MIB1: variants seen among roughly 807,000 people sequenced by gnomAD.
MIB1 encodes the protein E3 ubiquitin-protein ligase MIB1.
A neutral mutation model predicts 124.5 loss-of-function variants in MIB1; 278 were observed. That is an observed-to-expected ratio of 2.23 (90% CI 2.02 to 2.47). MIB1 has a LOEUF of 2.47. Ranked by LOEUF, MIB1 falls within the 30% of genes most tolerant of loss-of-function variation. MIB1 has a pLI of 0.00. For missense variants in MIB1, 957 were observed against 1,254.4 expected, an observed-to-expected ratio of 0.76 and a Z score of 3.58; for synonymous variants, 446 against 429.4, an observed-to-expected ratio of 1.04 and a Z score of -0.48.
chr18:21,706,075 C>CTGCTT (rs1568171754), intron 1 of MIB1, among the ~76,000 whole-genome samples: 1 of 152,060 alleles, frequency 6.6e-6, no homozygotes, highest in African/African-American at 2.4e-5. Flanking sequence ...TAAGTTTGTT[C>CTGCTT]TGTTTTGTTT....
At chr18:21,780,907 C>G (rs182312596) in intron 6 of MIB1, among the ~76,000 whole-genome samples, 5 of 152,260 alleles carry the variant, frequency 3.3e-5, no homozygotes, top group African/African-American at 1.2e-4. Flanking sequence ...AATGGGATTA[C>G]TGGATCATAT....
At chr18:21,712,186 C>G (rs2040668782) in intron 1 of MIB1, 2 of 153,524 alleles carry the variant, frequency 1.3e-5, no homozygotes, top group African/African-American at 2.4e-5. Flanking sequence ...CACAGTTGTC[C>G]TTTATAGGTT....
chr18:21,853,211 T>C lies in MIB1; in HGVS notation c.2658T>C (p.Ala886=). 2 of 1,607,684 alleles carry C rather than the reference T, an allele frequency of 1.2e-6. No homozygotes were observed. The highest frequency in any genetic ancestry group is 8.5e-7 in the Non-Finnish European group (1 of 1,174,480). Residue 886 remains alanine (A), a synonymous_variant, in exon 18 of 21, where the codon GCT becomes GCC. Coordinates refer to ENST00000261537, the MANE Select transcript of MIB1 (RefSeq NM_020774.4). ...VLFQPCGHMC[A]CENCANLMKK... is the part of the protein sequence containing the mutation. ...TTCAACCCTGTGGCCACATGTGTGC[T>C]TGTGAGAGTAAGTAGCCTATGCAGA...
chr18:21,763,825 A>T (rs1164132138), intron 1 of MIB1, among the ~76,000 whole-genome samples: 1 of 152,178 alleles, frequency 6.6e-6, no homozygotes. Flanking sequence ...CCATTATCTT[A>T]GCTGGACTGC....
chr18:21,786,133 G>C (rs1382760765), intron 6 of MIB1, among the ~76,000 whole-genome samples: 8 of 151,644 alleles, frequency 5.3e-5, no homozygotes, highest in Non-Finnish European at 1.0e-4. Flanking sequence ...GTCTCTCTCT[G>C]TCACCCAGGC....
chr18:21,826,839 T>A (rs2041928574), intron 12 of MIB1: 1 of 152,170 alleles, frequency 6.6e-6, no homozygotes, highest in African/African-American at 2.4e-5. Flanking sequence ...ACTCTTACAC[T>A]AAGTATATTC....
chr18:21,844,527 T>G (rs1310566938), intron 15 of MIB1, among the ~76,000 whole-genome samples: 1 of 151,952 alleles, frequency 6.6e-6, no homozygotes, highest in Non-Finnish European at 1.5e-5. Flanking sequence ...CCACCTGGGT[T>G]TAAGCCATTC....
At chr18:21,780,463 T>A (rs1180856049) in intron 6 of MIB1, among the ~76,000 whole-genome samples, 2 of 152,192 alleles carry the variant, frequency 1.3e-5, no homozygotes, top group African/African-American at 2.4e-5. Context: ...TTACATCTCC[T>A]CATATGAGTG....
At chr18:21,754,975 T>C (rs1310494671) in intron 1 of MIB1, among the ~76,000 whole-genome samples, 1 of 152,208 alleles carries the variant, frequency 6.6e-6, no homozygotes, top group Non-Finnish European at 1.5e-5. Flanking sequence ...GAAACTCTAC[T>C]CTGCACCCTC....
chr18:21,867,147 C>T lies in MIB1; in HGVS notation c.*2481C>T, dbSNP rs975947839. On this transcript the variant is annotated 3_prime_UTR_variant, in exon 21 of 21. Coordinates refer to ENST00000261537, the MANE Select transcript of MIB1 (RefSeq NM_020774.4). ...TTCATTCAAAAAAGTATTTATTGGG[C>T]TTTAGGGATTAGATACACAACAGTG... The T allele has an allele frequency of 6.6e-6, 1 of 152,280 alleles. No individual in the cohort carries two copies. The highest frequency in any genetic ancestry group is 1.5e-5 in the Non-Finnish European group (1 of 68,000). The allele number at this position is 152,280 out of a possible 1,614,324, so 9.4% of individuals were successfully genotyped here.
At chr18:21,717,313 A>G (rs1329947279) in intron 1 of MIB1, among the ~76,000 whole-genome samples, 1 of 152,136 alleles carries the variant, frequency 6.6e-6, no homozygotes, top group African/African-American at 2.4e-5. Context: ...CATTGAAAAA[A>G]CCCTTCTAGG....
At chr18:21,773,598 T>C (rs1568195310) in intron 3 of MIB1, 26 bp from the exon 4 acceptor site, 2 of 1,546,426 alleles carry the variant, frequency 1.3e-6, no homozygotes, top group Non-Finnish European at 1.8e-6. Context: ...TTAAAAAACT[T>C]CTTTTCTCAA....
intron 1 of MIB1, among the ~76,000 whole-genome samples, chr18:21,734,083 TATG>T (rs1418518288): frequency 1.3e-5 from 2 of 151,494 alleles, no homozygotes; most frequent in African/African-American, 4.9e-5. Context: ...TCACCATAAA[TATG>T]ATATTTGTTC....
At chr18:21,750,266 C>T (rs143384238) in intron 1 of MIB1, among the ~76,000 whole-genome samples, 13,584 of 152,214 alleles carry the variant, frequency 0.089, 680 homozygotes, top group Middle Eastern at 0.14. Context: ...ATTCTCCTAC[C>T]TCAGCCTCCT....
chr18:21,830,441 T>C (rs1340495061), intron 12 of MIB1, among the ~76,000 whole-genome samples: 1 of 152,296 alleles, frequency 6.6e-6, no homozygotes, highest in East Asian at 1.9e-4. Flanking sequence ...GTTACTGCCA[T>C]AGTATCTGAA....
chr18:21,859,875 TGA>T (rs1312869836), intron 20 of MIB1, among the ~76,000 whole-genome samples: 1 of 101,840 alleles, frequency 9.8e-6, no homozygotes. Flanking sequence ...GGCGACAGAG[TGA>T]GACTGTCTCA....
chr18:21,790,259 A>G (rs2146441277), intron 6 of MIB1, among the ~76,000 whole-genome samples: 1 of 152,364 alleles, frequency 6.6e-6, no homozygotes, highest in Non-Finnish European at 1.5e-5. Context: ...AAGAATCTCT[A>G]CTGAAATACC....
intron 17 of MIB1, among the ~76,000 whole-genome samples, chr18:21,851,776 G>A (rs4800928): frequency 0.99 from 150,456 of 152,336 alleles, 74,335 homozygotes; most frequent in East Asian, 1. Flanking sequence ...TATATGTACA[G>A]ACATTACACA....
At chr18:21,712,380 A>C (rs1485318166) in intron 1 of MIB1, among the ~76,000 whole-genome samples, 1 of 152,154 alleles carries the variant, frequency 6.6e-6, no homozygotes, top group Non-Finnish European at 1.5e-5. Flanking sequence ...TTTCCAACCA[A>C]TACGATAGAG....
Sources: gnomAD v4.1 joint callset for allele counts (sites outside exome capture counted in the v4.1 genomes callset) on GRCh38, gnomAD v4.1.1 for gene constraint, MANE v1.5 for transcripts, NCBI Gene and HGNC (gene_info 2026-07-23, HGNC 2026-07-21) for gene names.